PPFIA2: variants seen among roughly 807,000 people sequenced by gnomAD.
PPFIA2 encodes the protein liprin-alpha-2.
A neutral mutation model predicts 175.5 loss-of-function variants in PPFIA2; 46 were observed. The observed-to-expected ratio is 0.26, with a 90% CI of 0.21 to 0.34. The LOEUF (loss-of-function observed/expected upper bound fraction) is 0.34, where lower values mean the gene tolerates loss of function less well. PPFIA2 is among the 10% of genes least tolerant of loss of function. The probability of loss-of-function intolerance (pLI) is 1.00; values close to 1 mark genes in which losing one functional copy is unlikely to be tolerated. For missense variants in PPFIA2, 1,179 were observed against 1,506.1 expected (o/e 0.78, Z 3.60); for synonymous variants, 568 against 511.4 (o/e 1.11, Z -1.49).
intron 4 of PPFIA2, among the ~76,000 whole-genome samples, chr12:81,504,830 T>G (rs901617229): frequency 2.6e-5 from 4 of 152,162 alleles, no homozygotes; most frequent in African/African-American, 9.7e-5. Context: ...AAGGATGAGT[T>G]CATATCCTTT....
At chr12:81,506,523 T>C (rs1387361157) in intron 4 of PPFIA2, among the ~76,000 whole-genome samples, 1 of 152,236 alleles carries the variant, frequency 6.6e-6, no homozygotes, top group Non-Finnish European at 1.5e-5. Flanking sequence ...GTATTTGGTA[T>C]ATACAAAGGA....
chr12:81,492,758 T>A (rs1055585488), intron 4 of PPFIA2, among the ~76,000 whole-genome samples: 1 of 151,966 alleles, frequency 6.6e-6, no homozygotes, highest in Non-Finnish European at 1.5e-5. Flanking sequence ...ATGGAAGATT[T>A]AGAGCAAAAA....
At chr12:81,638,575 C>T (rs1264177505) in intron 4 of PPFIA2, among the ~76,000 whole-genome samples, 3 of 150,634 alleles carry the variant, frequency 2.0e-5, no homozygotes, top group East Asian at 3.9e-4. Flanking sequence ...GCAAGATGAT[C>T]GCTTTATAAA....
chr12:81,390,311 T>G (rs540229407), intron 8 of PPFIA2, among the ~76,000 whole-genome samples: 1 of 152,060 alleles, frequency 6.6e-6, no homozygotes, highest in Non-Finnish European at 1.5e-5. Context: ...TAGAGTAGAA[T>G]TGATGGACCA....
chr12:81,556,143 T>C (rs1053860613), intron 4 of PPFIA2, among the ~76,000 whole-genome samples: 1 of 151,986 alleles, frequency 6.6e-6, no homozygotes, highest in Non-Finnish European at 1.5e-5. Flanking sequence ...ATACTGTGTG[T>C]TATATTATAT....
intron 11 of PPFIA2, among the ~76,000 whole-genome samples, chr12:81,371,505 T>C (rs567508416): frequency 1.5e-4 from 23 of 151,800 alleles, no homozygotes; most frequent in Admixed American, 4.0e-4. Context: ...TACAAGTTTT[T>C]AGAGGTCTTT....
chr12:81,703,379 A>G (rs1237686887), intron 3 of PPFIA2, among the ~76,000 whole-genome samples: 1 of 152,040 alleles, frequency 6.6e-6, no homozygotes, highest in African/African-American at 2.4e-5. Flanking sequence ...AAAAACTGCT[A>G]GTCATCCTTG....
At chr12:81,748,700 A>C (rs2153661890) in intron 3 of PPFIA2, among the ~76,000 whole-genome samples, 1 of 143,942 alleles carries the variant, frequency 6.9e-6, no homozygotes, top group East Asian at 2.1e-4. Flanking sequence ...AATCCCACAA[A>C]CTCATATTTT....
chr12:81,618,014 A>G (rs1183752142), intron 4 of PPFIA2, among the ~76,000 whole-genome samples: 3 of 152,188 alleles, frequency 2.0e-5, no homozygotes. Context: ...TAAATCCTCC[A>G]TTAAGTATGT....
At chr12:81,346,151 T>A (rs979111583) in intron 18 of PPFIA2, among the ~76,000 whole-genome samples, 2 of 152,166 alleles carry the variant, frequency 1.3e-5, no homozygotes, top group Non-Finnish European at 2.9e-5. Context: ...TACAAAAACA[T>A]AATTTTACCT....
chr12:81,436,087 G>A (rs1409854356), intron 7 of PPFIA2, among the ~76,000 whole-genome samples: 3 of 151,378 alleles, frequency 2.0e-5, no homozygotes, highest in Admixed American at 2.0e-4. Context: ...AGACCAGCCT[G>A]GGCAACATGG....
At chr12:81,555,603 T>G (rs1342857942) in intron 4 of PPFIA2, among the ~76,000 whole-genome samples, 1 of 151,990 alleles carries the variant, frequency 6.6e-6, no homozygotes, top group Non-Finnish European at 1.5e-5. Context: ...AGTCATAGGT[T>G]TGTTTAAATT....
intron 22 of PPFIA2, among the ~76,000 whole-genome samples, chr12:81,312,749 C>G (rs1045114000): frequency 6.6e-6 from 1 of 152,138 alleles, no homozygotes; most frequent in Non-Finnish European, 1.5e-5. Context: ...TCAATTTCCT[C>G]AACACAATCC....
intron 4 of PPFIA2, among the ~76,000 whole-genome samples, chr12:81,671,542 C>T (rs1345438618): frequency 2.0e-5 from 3 of 151,796 alleles, no homozygotes; most frequent in Non-Finnish European, 2.9e-5. Flanking sequence ...TTCTCTAATT[C>T]GCTCTCCAAC....
At chr12:81,473,078 A>T (rs2056976233) in intron 4 of PPFIA2, 1 of 152,196 alleles carries the variant, frequency 6.6e-6, no homozygotes, top group Non-Finnish European at 1.5e-5. Flanking sequence ...AAGCCTTGTA[A>T]GTATTGAATT....
chr12:81,269,198 G>A (rs148715653), intron 28 of PPFIA2, among the ~76,000 whole-genome samples: 38 of 151,900 alleles, frequency 2.5e-4, no homozygotes, highest in Middle Eastern at 3.5e-3. Context: ...TATATAAAAT[G>A]AGTAAAATAG....
At chr12:81,716,925 A>G (rs1394143047) in intron 3 of PPFIA2, among the ~76,000 whole-genome samples, 1 of 151,486 alleles carries the variant, frequency 6.6e-6, no homozygotes, top group Non-Finnish European at 1.5e-5. Flanking sequence ...AAGAAAAAAG[A>G]TTTTTCTGAA....
intron 5 of PPFIA2, among the ~76,000 whole-genome samples, chr12:81,453,180 A>G (rs914949787): frequency 8.1e-6 from 1 of 123,682 alleles, no homozygotes; most frequent in Non-Finnish European, 1.6e-5. Flanking sequence ...AGAGTGTGAT[A>G]TTCCCCTTCC....
intron 4 of PPFIA2, among the ~76,000 whole-genome samples, chr12:81,473,224 A>G (rs2146368543): frequency 6.6e-6 from 1 of 152,278 alleles, no homozygotes; most frequent in African/African-American, 2.4e-5. Context: ...CCTGGCCAAC[A>G]TGGTGAAACC....
Sources: gnomAD v4.1 joint callset for allele counts (sites outside exome capture counted in the v4.1 genomes callset) on GRCh38, gnomAD v4.1.1 for gene constraint, MANE v1.5 for transcripts, NCBI Gene and HGNC (gene_info 2026-07-23, HGNC 2026-07-21) for gene names.